CACNA1D: variants seen among roughly 807,000 people sequenced by gnomAD.
The protein encoded by CACNA1D is voltage-dependent L-type calcium channel subunit alpha-1D.
In CACNA1D, 55 loss-of-function variants were observed where a neutral mutation model predicts 257.1. The ratio of observed to expected loss-of-function variants is 0.21; its 90% CI spans 0.17 to 0.27. CACNA1D has a LOEUF of 0.27. CACNA1D is among the 10% of genes least tolerant of loss of function. CACNA1D has a pLI of 1.00. For synonymous variants in CACNA1D, 980 were observed against 1,014.9 expected (o/e 0.97, Z 0.65); for missense variants, 1,876 against 2,784.0 (o/e 0.67, Z 7.34).
At chr3:53,747,711 T>G (rs2095184334) in intron 26 of CACNA1D, among the ~76,000 whole-genome samples, 1 of 152,224 alleles carries the variant, frequency 6.6e-6, no homozygotes, top group Non-Finnish European at 1.5e-5. Flanking sequence ...CTCAGTCCCA[T>G]GAACTCCCAT....
intron 3 of CACNA1D, among the ~76,000 whole-genome samples, chr3:53,614,559 G>A (rs557333089): frequency 6.6e-6 from 1 of 152,316 alleles, no homozygotes; most frequent in East Asian, 1.9e-4. Context: ...GTACAACCAG[G>A]AACAAAATGC....
intron 3 of CACNA1D, among the ~76,000 whole-genome samples, chr3:53,509,961 G>A (rs935460914): frequency 1.3e-5 from 2 of 152,220 alleles, no homozygotes; most frequent in African/African-American, 4.8e-5. Flanking sequence ...GCAGAGCACA[G>A]CAGCCCTGTG....
chr3:53,599,250 G>A (rs1455877167), intron 3 of CACNA1D, among the ~76,000 whole-genome samples: 1 of 152,154 alleles, frequency 6.6e-6, no homozygotes, highest in African/African-American at 2.4e-5. Flanking sequence ...TTTATAAAAT[G>A]GAATCATATC....
At chr3:53,740,896 G>A (rs987308941) in intron 21 of CACNA1D, among the ~76,000 whole-genome samples, 1 of 152,084 alleles carries the variant, frequency 6.6e-6, no homozygotes, top group African/African-American at 2.4e-5. Context: ...TTATGCTTTT[G>A]GGGACCTAAA....
intron 45 of CACNA1D, among the ~76,000 whole-genome samples, chr3:53,806,389 G>A (rs925950480): frequency 2.0e-5 from 3 of 152,144 alleles, no homozygotes; most frequent in Admixed American, 2.0e-4. Flanking sequence ...TGGGGCTGGG[G>A]CTGGCTGCTT....
At chr3:53,555,458 G>GTT (rs2092623545) in intron 3 of CACNA1D, among the ~76,000 whole-genome samples, 1 of 109,228 alleles carries the variant, frequency 9.2e-6, no homozygotes, top group African/African-American at 4.9e-5. Context: ...GTGTGTGTGT[G>GTT]TGTTTTTTTT....
chr3:53,506,072 G>A (rs1316579360), intron 3 of CACNA1D, among the ~76,000 whole-genome samples: 1 of 152,212 alleles, frequency 6.6e-6, no homozygotes, highest in Non-Finnish European at 1.5e-5. Flanking sequence ...TCATAACCTG[G>A]CTCCTTGGGC....
At chr3:53,531,619 C>T (rs1575773008) in intron 3 of CACNA1D, among the ~76,000 whole-genome samples, 1 of 152,170 alleles carries the variant, frequency 6.6e-6, no homozygotes, top group East Asian at 1.9e-4. Flanking sequence ...TCCAGACTGT[C>T]TGGTAAGATT....
intron 3 of CACNA1D, among the ~76,000 whole-genome samples, chr3:53,504,178 A>T (rs1416608602): frequency 6.6e-6 from 1 of 152,092 alleles, no homozygotes; most frequent in African/African-American, 2.4e-5. Flanking sequence ...CTTTCATTTA[A>T]TGTGAATGGT....
chr3:53,740,407 T>C, intron 21 of CACNA1D, 68 bp downstream of exon 21: 1 of 1,072,278 alleles, frequency 9.3e-7, no homozygotes, highest in South Asian at 1.2e-5. Context: ...CACTTCTTTG[T>C]TTGCCTTCCA....
chr3:53,599,010 G>A (rs1470189788), intron 3 of CACNA1D, among the ~76,000 whole-genome samples: 2 of 23,068 alleles, frequency 8.7e-5, no homozygotes, highest in Non-Finnish European at 1.4e-4. Flanking sequence ...TGTTATTGGT[G>A]TGCCTTTTTT....
At chr3:53,792,708 G>A (rs903700278) in intron 40 of CACNA1D, among the ~76,000 whole-genome samples, 1 of 152,146 alleles carries the variant, frequency 6.6e-6, no homozygotes, top group Non-Finnish European at 1.5e-5. Flanking sequence ...CTGCAGGCTT[G>A]TCCTAGGTGT....
chr3:53,742,852 A>C (rs112168999), intron 21 of CACNA1D, among the ~76,000 whole-genome samples, 159 bp from the exon 22 acceptor site: 210 of 152,352 alleles, frequency 1.4e-3, no homozygotes, highest in Non-Finnish European at 2.3e-3. Flanking sequence ...TTTTGTTTGA[A>C]GAAATTATCC....
At chr3:53,697,513 T>A (rs2094583388) in intron 8 of CACNA1D, among the ~76,000 whole-genome samples, 1 of 151,530 alleles carries the variant, frequency 6.6e-6, no homozygotes, top group East Asian at 1.9e-4. Flanking sequence ...TAGCATGAAT[T>A]TGAATTTGGT....
chr3:53,564,942 G>GT (rs1159954019), intron 3 of CACNA1D, among the ~76,000 whole-genome samples: 3 of 152,210 alleles, frequency 2.0e-5, no homozygotes, highest in African/African-American at 7.2e-5. Flanking sequence ...GTTTGTTTTT[G>GT]TTTTTTGCCT....
intron 39 of CACNA1D, chr3:53,781,963 G>C (rs997566097): frequency 2.7e-6 from 1 of 368,596 alleles, no homozygotes; most frequent in Non-Finnish European, 4.9e-6. Context: ...ATCTCAAAGT[G>C]AAAAGCCTAT....
intron 4 of CACNA1D, among the ~76,000 whole-genome samples, chr3:53,651,398 C>T (rs1328162564): frequency 3.7e-5 from 2 of 54,484 alleles, no homozygotes; most frequent in East Asian, 8.7e-4. Context: ...TGCTGACTTG[C>T]GGGAGAAACT....
chr3:53,691,900 C>CATATATTATATATAATATATATTAT lies in CACNA1D; in HGVS notation c.1221-10726_1221-10702dup, dbSNP rs1559523341. Among the ~76,000 whole-genome samples, 306 of 31,758 alleles carry CATATATTATATATAATATATATTAT rather than the reference C, an allele frequency of 9.6e-3. 1 individual carries two copies. The highest frequency in any genetic ancestry group is 0.016 in the Non-Finnish European group (255 of 16,298). 20.8% of individuals were successfully genotyped at this position (31,758 alleles called of 152,430 possible). A position where few individuals can be genotyped will look rare whatever the true frequency, so the allele number is the denominator to read the frequency against. Reference sequence around the variant, plus strand: ...CATATAATATATATTATATATATTACATATATTATATATAATATATATTAT... The same window carrying CATATATTATATATAATATATATTAT: ...CATATAATATATATTATATATATTACATATATTATATATAATATATATTATATATATTATATATAATATATATTAT... On this transcript the variant is annotated intron_variant, in intron 8 of 47. Transcript: ENST00000350061.
chr3:53,614,955 C>T (rs2093621339), intron 3 of CACNA1D, among the ~76,000 whole-genome samples: 1 of 152,178 alleles, frequency 6.6e-6, no homozygotes, highest in East Asian at 1.9e-4. Flanking sequence ...AGTAAGTTAA[C>T]TATGTTAATT....
Sources: gnomAD v4.1 joint callset for allele counts (sites outside exome capture counted in the v4.1 genomes callset) on GRCh38, gnomAD v4.1.1 for gene constraint, MANE v1.5 for transcripts, NCBI Gene and HGNC (gene_info 2026-07-23, HGNC 2026-07-21) for gene names.